The following BAIAP2L1 variants were observed in gnomAD, a reference collection of about 807,000 sequenced individuals.
BAIAP2L1 encodes BAR/IMD domain-containing adapter protein 2-like 1.
BAIAP2L1 carries 35 observed loss-of-function variants against 66.3 expected under a neutral mutation model. The ratio of observed to expected loss-of-function variants is 0.53; its 90% CI spans 0.40 to 0.70. The LOEUF is 0.70. Among genes scored for constraint, BAIAP2L1 ranks in the 30% least tolerant of loss-of-function variants. The pLI is 0.00. For synonymous variants in BAIAP2L1, 269 were observed against 248.7 expected (o/e 1.08, Z -0.77); for missense variants, 622 against 656.9 (o/e 0.95, Z 0.58).
chr7:98,303,887 A>C (rs1172903516), intron 12 of BAIAP2L1, among the ~76,000 whole-genome samples: 1 of 152,250 alleles, frequency 6.6e-6, no homozygotes, highest in Non-Finnish European at 1.5e-5. Flanking sequence ...TGGCTAGAAG[A>C]CTGCAGCCAG....
At chr7:98,371,920 G>T (rs940137542) in intron 1 of BAIAP2L1, among the ~76,000 whole-genome samples, 2 of 151,140 alleles carry the variant, frequency 1.3e-5, no homozygotes, top group African/African-American at 2.4e-5. Flanking sequence ...TCAGCCTCCC[G>T]AGTAGCTGAG....
At chr7:98,363,027 C>CTTTTTTTTT (rs71537235) in intron 1 of BAIAP2L1, among the ~76,000 whole-genome samples, 32 of 75,596 alleles carry the variant, frequency 4.2e-4, no homozygotes, top group East Asian at 8.3e-4. Context: ...GGCATTTTTT[C>CTTTTTTTTT]TTTTTTTTTT....
At chr7:98,383,985 C>G (rs1441379382) in intron 1 of BAIAP2L1, among the ~76,000 whole-genome samples, 1 of 151,874 alleles carries the variant, frequency 6.6e-6, no homozygotes, top group Non-Finnish European at 1.5e-5. Context: ...GAAACCCTGT[C>G]TCTACTAAAA....
intron 2 of BAIAP2L1, among the ~76,000 whole-genome samples, chr7:98,357,520 T>C (rs978441506): frequency 2.0e-5 from 3 of 149,020 alleles, no homozygotes; most frequent in African/African-American, 7.4e-5. Flanking sequence ...TGAGCTGAGA[T>C]TGCGCCACTG....
At chr7:98,325,622 G>A (rs1801364429) in intron 3 of BAIAP2L1, among the ~76,000 whole-genome samples, 2 of 152,104 alleles carry the variant, frequency 1.3e-5, no homozygotes, top group Non-Finnish European at 2.9e-5. Context: ...AGGTTGCAGT[G>A]AGCCAAGGTC....
chr7:98,388,979 A>C (rs1802960350), intron 1 of BAIAP2L1, among the ~76,000 whole-genome samples: 1 of 125,252 alleles, frequency 8.0e-6, no homozygotes. Context: ...AATTAAAAAA[A>C]AAAAACAAAA....
intron 1 of BAIAP2L1, among the ~76,000 whole-genome samples, chr7:98,366,481 G>T (rs999187190): frequency 6.6e-6 from 1 of 152,136 alleles, no homozygotes; most frequent in Non-Finnish European, 1.5e-5. Context: ...CTTTCCCCAG[G>T]TTCTTCAGGC....
At chr7:98,337,999 A>G (rs1453478506) in intron 3 of BAIAP2L1, among the ~76,000 whole-genome samples, 1 of 152,224 alleles carries the variant, frequency 6.6e-6, no homozygotes, top group Admixed American at 6.5e-5. Flanking sequence ...GTATGAATTC[A>G]TTAGGATACC....
At chr7:98,351,545 T>A (rs1325686195) in intron 3 of BAIAP2L1, among the ~76,000 whole-genome samples, 1 of 151,932 alleles carries the variant, frequency 6.6e-6, no homozygotes, top group Non-Finnish European at 1.5e-5. Context: ...GAGAAGAAAT[T>A]CCCCTTCCTG....
chr7:98,365,606 G>A (rs553374965), intron 1 of BAIAP2L1, among the ~76,000 whole-genome samples: 85 of 152,128 alleles, frequency 5.6e-4, no homozygotes, highest in African/African-American at 1.9e-3. Context: ...AAGTAGCTGC[G>A]GGGGGTGGAT....
intron 1 of BAIAP2L1, among the ~76,000 whole-genome samples, chr7:98,395,143 A>C (rs1247911510): frequency 6.6e-6 from 1 of 151,232 alleles, no homozygotes; most frequent in Non-Finnish European, 1.5e-5. Context: ...CCAAAGAAAG[A>C]AAGAAAATAA....
intron 1 of BAIAP2L1, among the ~76,000 whole-genome samples, chr7:98,382,571 T>C (rs545532089): frequency 6.6e-6 from 1 of 152,318 alleles, no homozygotes; most frequent in African/African-American, 2.4e-5. Flanking sequence ...AATGGAATGG[T>C]TCAAAATCAC....
chr7:98,316,867 C>CT (rs572099095), intron 6 of BAIAP2L1, among the ~76,000 whole-genome samples: 3,106 of 145,454 alleles, frequency 0.021, 40 homozygotes, highest in Middle Eastern at 0.05. Flanking sequence ...AACTTCAAAA[C>CT]TTTTTTTTTT....
At chr7:98,346,531 A>G (rs1330376012) in intron 3 of BAIAP2L1, among the ~76,000 whole-genome samples, 2 of 152,194 alleles carry the variant, frequency 1.3e-5, no homozygotes, top group African/African-American at 2.4e-5. Flanking sequence ...TCTAAGATAT[A>G]AACAAATGCA....
intron 3 of BAIAP2L1, among the ~76,000 whole-genome samples, chr7:98,327,745 C>A (rs777395515): frequency 6.6e-6 from 1 of 151,962 alleles, no homozygotes; most frequent in African/African-American, 2.4e-5. Context: ...GATGTGGGTT[C>A]GTGCCTGTGC....
intron 8 of BAIAP2L1, among the ~76,000 whole-genome samples, chr7:98,311,309 C>T (rs561291713): frequency 6.6e-6 from 1 of 151,924 alleles, no homozygotes; most frequent in Admixed American, 6.6e-5. Flanking sequence ...TTTGGGAGGC[C>T]GAGGTGGGCG....
chr7:98,324,402 G>A (rs543318666), intron 3 of BAIAP2L1, among the ~76,000 whole-genome samples: 8 of 152,262 alleles, frequency 5.3e-5, no homozygotes, highest in Admixed American at 1.3e-4. Context: ...GGTTAATGGT[G>A]GTATCACTCT....
intron 1 of BAIAP2L1, among the ~76,000 whole-genome samples, chr7:98,389,209 C>T (rs1181496226): frequency 1.3e-5 from 2 of 152,174 alleles, no homozygotes; most frequent in Non-Finnish European, 2.9e-5. Flanking sequence ...GGCTTCCCTC[C>T]TCCTAACTCA....
At chr7:98,385,097 C>T (rs944348383) in intron 1 of BAIAP2L1, among the ~76,000 whole-genome samples, 19 of 151,954 alleles carry the variant, frequency 1.3e-4, no homozygotes, top group African/African-American at 4.3e-4. Context: ...CACTTGAGGC[C>T]AGGAATTCAA....
Sources: gnomAD v4.1 joint callset for allele counts (sites outside exome capture counted in the v4.1 genomes callset) on GRCh38, gnomAD v4.1.1 for gene constraint, MANE v1.5 for transcripts, NCBI Gene and HGNC (gene_info 2026-07-23, HGNC 2026-07-21) for gene names.